The following ITPRID1 variants were observed in gnomAD, a reference collection of about 807,000 sequenced individuals.
The protein encoded by ITPRID1 is ITPR interacting domain containing 1.
Under a neutral mutation model 95.4 loss-of-function variants are expected in ITPRID1, and 96 were observed. The ratio of observed to expected loss-of-function variants is 1.01; its 90% confidence interval spans 0.85 to 1.19. The LOEUF is 1.19. Among genes scored for constraint, ITPRID1 ranks in the 50% most tolerant of loss-of-function variants. The pLI is 0.00. For missense variants in ITPRID1, 1,339 were observed against 1,252.9 expected (o/e 1.07, Z -1.04); for synonymous variants, 510 against 453.6 (o/e 1.12, Z -1.58).
chr7:31,605,775 G>A (rs1385023289), intron 10 of ITPRID1, among the ~76,000 whole-genome samples: 3 of 152,214 alleles, frequency 2.0e-5, no homozygotes, highest in Admixed American at 6.5e-5. Flanking sequence ...GAAAGTTGAA[G>A]CCAGAGGTGA....
chr7:31,652,877 C>T lies in ITPRID1; in HGVS notation c.*48C>T, dbSNP rs759720890. On this transcript the variant is annotated 3_prime_UTR_variant, in exon 15 of 15. Coordinates refer to ENST00000615280, the MANE Select transcript of ITPRID1 (RefSeq NM_001257967.3). ...TCATACAAAATATAAAGGCCCAGAA[C>T]AGATGTAGCAAGGAAATTTCAATTT... 1 of 1,567,010 alleles carries T rather than the reference C, an allele frequency of 6.4e-7. No individual in the cohort carries two copies. Among genetic ancestry groups the T allele is most frequent in the Non-Finnish European group, 8.7e-7 (1 of 1,154,040 alleles).
At chr7:31,559,700 A>G (rs1023645662) in intron 5 of ITPRID1, among the ~76,000 whole-genome samples, 38 of 152,134 alleles carry the variant, frequency 2.5e-4, no homozygotes, top group African/African-American at 9.2e-4. Context: ...ATTATACTAC[A>G]TGACTATCAT....
intron 1 of ITPRID1, among the ~76,000 whole-genome samples, chr7:31,527,924 GTTTTCTTGGAATTAC>G (rs1783474662): frequency 6.6e-6 from 1 of 152,160 alleles, no homozygotes; most frequent in African/African-American, 2.4e-5. Flanking sequence ...ATTTGGAAGA[GTTTTCTTGGAATTAC>G]AGTGCTTTGG....
Position 31,553,015 on chromosome 7 carries a change from T to C in ITPRID1, c.-10T>C. The C allele has an allele frequency of 1.2e-6, 2 of 1,606,806 alleles. No homozygotes were observed. The highest frequency in any genetic ancestry group is 1.1e-5 in the South Asian group (1 of 89,520). On this transcript the variant is annotated 5_prime_UTR_variant, in exon 3 of 15. Coordinates refer to ENST00000615280, the MANE Select transcript of ITPRID1 (RefSeq NM_001257967.3). The stretch of plus-strand genomic sequence containing the variant: ...GTGTGTTTTAAGTTAGTTTGCAGAA[T>C]TACTCTCCTATGATGGCACAGAAAT...
chr7:31,641,019 G>T (rs1054994127), intron 10 of ITPRID1, among the ~76,000 whole-genome samples: 1 of 152,136 alleles, frequency 6.6e-6, no homozygotes, highest in Non-Finnish European at 1.5e-5. Flanking sequence ...GGTAGCTGGG[G>T]TTTGGGCTGG....
intron 4 of ITPRID1, 64 bp downstream of exon 4, chr7:31,554,587 G>A: frequency 6.3e-6 from 10 of 1,594,414 alleles, no homozygotes; most frequent in Non-Finnish European, 8.6e-6. Context: ...AAAACAATGT[G>A]TGTAACTCTG....
chr7:31,637,491 T>C (rs1789602563), intron 10 of ITPRID1, among the ~76,000 whole-genome samples: 1 of 152,234 alleles, frequency 6.6e-6, no homozygotes, highest in African/African-American at 2.4e-5. Context: ...TGGCCAGTGA[T>C]GATGAGCATT....
intron 10 of ITPRID1, among the ~76,000 whole-genome samples, chr7:31,604,193 G>A (rs544405926): frequency 6.6e-5 from 10 of 152,266 alleles, no homozygotes; most frequent in African/African-American, 1.4e-4. Context: ...CATTCTGTGC[G>A]ACAGGCACTA....
intron 13 of ITPRID1, 90 bp downstream of exon 13, chr7:31,651,359 G>T: frequency 7.0e-7 from 1 of 1,425,944 alleles, no homozygotes; most frequent in Admixed American, 2.3e-5. Flanking sequence ...GAGCACCCTG[G>T]AGCAGAGCTA....
intron 10 of ITPRID1, among the ~76,000 whole-genome samples, chr7:31,599,750 G>A (rs1308767024): frequency 1.3e-5 from 2 of 149,232 alleles, no homozygotes; most frequent in Non-Finnish European, 3.0e-5. Context: ...CGCCCAGGCT[G>A]GAGTGCAGTG....
intron 10 of ITPRID1, among the ~76,000 whole-genome samples, chr7:31,639,078 G>A (rs1789763117): frequency 6.6e-6 from 1 of 152,022 alleles, no homozygotes; most frequent in Admixed American, 6.6e-5. Context: ...CGCCCAGCCA[G>A]TAATTTGATT....
At chr7:31,525,916 A>G (rs1783408331) in intron 1 of ITPRID1, among the ~76,000 whole-genome samples, 2 of 152,164 alleles carry the variant, frequency 1.3e-5, no homozygotes. Context: ...ATTGTACTGT[A>G]CATCGAGATT....
intron 10 of ITPRID1, among the ~76,000 whole-genome samples, chr7:31,599,433 CT>C (rs1443310908): frequency 6.6e-6 from 1 of 152,048 alleles, no homozygotes; most frequent in Admixed American, 6.5e-5. Context: ...TCCTGGTTAA[CT>C]CTGGACATGA....
chr7:31,586,271 G>A (rs36127853), intron 10 of ITPRID1, among the ~76,000 whole-genome samples: 359 of 139,690 alleles, frequency 2.6e-3, no homozygotes, highest in Middle Eastern at 0.011. Flanking sequence ...CCAAGTCTTT[G>A]CTATTGTGAA....
chr7:31,566,920 T>A (rs1412773096), intron 5 of ITPRID1, among the ~76,000 whole-genome samples: 8 of 152,222 alleles, frequency 5.3e-5, no homozygotes, highest in Non-Finnish European at 1.5e-5. Flanking sequence ...TGAAGGTGCC[T>A]CACGGGTGAG....
chr7:31,648,380 G>A (rs10242943), intron 12 of ITPRID1, among the ~76,000 whole-genome samples: 109,567 of 151,942 alleles, frequency 0.72, 40,085 homozygotes, highest in East Asian at 0.83. Flanking sequence ...TATTTTTGAG[G>A]GTTTTTATTT....
At chr7:31,616,175 TTA>T (rs1262607183) in intron 10 of ITPRID1, among the ~76,000 whole-genome samples, 1 of 147,200 alleles carries the variant, frequency 6.8e-6, no homozygotes, top group Admixed American at 7.0e-5. Context: ...TTTTCAAGAA[TTA>T]TGATTTGTTA....
In ITPRID1 at chr7:31,651,967, C is replaced by T. The variant is rs148236609; in HGVS notation, c.2740C>T (p.Arg914Cys). ...REEAEQLQTLREALRQQVAEL... is the reference protein window; with the variant it reads ...REEAEQLQTLCEALRQQVAEL... ...GGAGGCCGAGCAACTGCAAACGTTA[C>T]GTGAGGCCCTGAGGCAGCAGGTGGC... The change falls in exon 14 of 15, where the codon CGT becomes TGT. Residue 914 changes from arginine (R) to cysteine (C), a missense_variant. By Grantham distance (180) the Arg-to-Cys change is radical (BLOSUM62 -3). Transcript: ENST00000615280. 715 of 1,602,512 alleles carry T rather than the reference C, an allele frequency of 4.5e-4. No homozygotes were observed. The highest frequency in any genetic ancestry group is 5.4e-4 in the Non-Finnish European group (640 of 1,174,758).
intron 10 of ITPRID1, among the ~76,000 whole-genome samples, chr7:31,625,080 C>A (rs1788320128): frequency 6.6e-6 from 1 of 152,146 alleles, no homozygotes; most frequent in Non-Finnish European, 1.5e-5. Context: ...GAGATATCAT[C>A]TCACACCAGT....
Sources: allele counts gnomAD v4.1 joint callset (sites outside exome capture counted in the v4.1 genomes callset), GRCh38; gene constraint gnomAD v4.1.1; transcripts MANE v1.5; gene names NCBI Gene and HGNC (gene_info 2026-07-23, HGNC 2026-07-21).